TRIP12: variants seen among roughly 807,000 people sequenced by gnomAD.
The protein encoded by TRIP12 is E3 ubiquitin-protein ligase TRIP12.
In TRIP12, 25 loss-of-function variants were observed where a neutral mutation model predicts 244.2. That is an observed-to-expected ratio of 0.10 (90% CI 0.07 to 0.14). The LOEUF is 0.14. Ranked by LOEUF, TRIP12 falls within the 10% of genes least tolerant of loss-of-function variation. The probability of loss-of-function intolerance (pLI) is 1.00; values close to 1 mark genes in which losing one functional copy is unlikely to be tolerated. For missense variants in TRIP12, 1,677 were observed against 2,486.4 expected (o/e 0.67, Z 6.92); for synonymous variants, 905 against 873.1 (o/e 1.04, Z -0.64).
At chr2:229,879,867 C>T in intron 2 of TRIP12, 115 bp downstream of exon 2, 1 of 1,180,084 alleles carries the variant, frequency 8.5e-7, no homozygotes, top group South Asian at 1.3e-5. Flanking sequence ...GCTCACAAAT[C>T]AGGAAAAATT....
intron 8 of TRIP12, among the ~76,000 whole-genome samples, chr2:229,821,764 A>G (rs1033353004): frequency 4.6e-5 from 7 of 152,184 alleles, no homozygotes; most frequent in Admixed American, 3.3e-4. Flanking sequence ...ACAGAAGCCT[A>G]TAGTGCTTTA....
intron 38 of TRIP12, among the ~76,000 whole-genome samples, chr2:229,772,528 A>C (rs1180167214): frequency 2.0e-5 from 3 of 152,150 alleles, no homozygotes; most frequent in African/African-American, 7.2e-5. Context: ...CAGTGGCATG[A>C]TCCTGACTCA....
intron 15 of TRIP12, 55 bp from the exon 16 acceptor site, chr2:229,808,424 A>C: frequency 4.4e-6 from 5 of 1,146,462 alleles, no homozygotes; most frequent in East Asian, 2.4e-5. Context: ...ATACTACCTC[A>C]TTCAAAGGCA....
intron 2 of TRIP12, among the ~76,000 whole-genome samples, chr2:229,873,663 GTTTT>G (rs558197461): frequency 7.9e-4 from 120 of 152,146 alleles, no homozygotes; most frequent in Middle Eastern, 3.4e-3. Flanking sequence ...CTTTGAAATA[GTTTT>G]TTTAAGTGAA....
intron 1 of TRIP12, among the ~76,000 whole-genome samples, chr2:229,904,021 G>A (rs894105727): frequency 3.3e-5 from 5 of 152,038 alleles, no homozygotes; most frequent in Non-Finnish European, 5.9e-5. Context: ...GGGCAACTGA[G>A]CAAGACCCTG....
chr2:229,803,892 C>T (rs984399666), intron 19 of TRIP12, 107 bp downstream of exon 19: 2 of 1,052,054 alleles, frequency 1.9e-6, no homozygotes, highest in South Asian at 3.5e-5. Context: ...CAAGATACTC[C>T]TAACAAATTT....
Position 229,771,574 on chromosome 2 carries a change from T to A in TRIP12, c.5753A>T (p.Asp1918Val). 1 of 1,614,090 alleles carries A rather than the reference T, an allele frequency of 6.2e-7. No individual in the cohort carries two copies. Among genetic ancestry groups the A allele is most frequent in the Non-Finnish European group, 8.5e-7 (1 of 1,179,970 alleles). Residue 1918 changes from aspartate (D) to valine (V), a missense_variant, in exon 39 of 42, where the codon GAT becomes GTT. Physicochemically the swap from Asp to Val is radical, Grantham distance 152 (BLOSUM62 -3). Transcript: ENST00000675903. ...GAGTGGGAAGACTGATTCAAATCCA[T>A]CTCTGAACGAATCAAATTGCCTAGA... ...GVSRQFDSFRDGFESVFPLSH... is the reference protein window; with the variant it reads ...GVSRQFDSFRVGFESVFPLSH...
At chr2:229,774,634 G>A (rs955642662) in intron 37 of TRIP12, among the ~76,000 whole-genome samples, 2 of 152,070 alleles carry the variant, frequency 1.3e-5, no homozygotes, top group African/African-American at 2.4e-5. Context: ...ATCCAATACT[G>A]TATAAGTATA....
chr2:229,843,564 A>G (rs1000299121), intron 4 of TRIP12, among the ~76,000 whole-genome samples: 10 of 152,086 alleles, frequency 6.6e-5, no homozygotes, highest in African/African-American at 2.4e-4. Context: ...TCCTCACAAG[A>G]AAACCAAACC....
chr2:229,802,120 T>G (rs2044537375), intron 21 of TRIP12, 132 bp downstream of exon 21: 2 of 625,618 alleles, frequency 3.2e-6, no homozygotes, highest in African/African-American at 3.8e-5. Context: ...CCATTCTCAT[T>G]AACAAAATAC....
intron 32 of TRIP12, 62 bp from the exon 33 acceptor site, chr2:229,787,723 A>C: frequency 2.1e-6 from 3 of 1,433,114 alleles, no homozygotes; most frequent in Non-Finnish European, 2.8e-6. Context: ...CTAAAAAAAA[A>C]ATCCAAACTT....
chr2:229,822,204 G>A (rs553175040), intron 8 of TRIP12, among the ~76,000 whole-genome samples: 10 of 152,286 alleles, frequency 6.6e-5, no homozygotes, highest in Non-Finnish European at 1.5e-4. Context: ...TGATAAGATA[G>A]AAGAAAATCT....
At chr2:229,841,357 G>A (rs2056387270) in intron 4 of TRIP12, among the ~76,000 whole-genome samples, 1 of 152,056 alleles carries the variant, frequency 6.6e-6, no homozygotes. Flanking sequence ...CATCAATAAG[G>A]TATGAGAGAA....
chr2:229,828,691 C>T (rs902095285), intron 8 of TRIP12, among the ~76,000 whole-genome samples: 2 of 151,900 alleles, frequency 1.3e-5, no homozygotes, highest in Non-Finnish European at 2.9e-5. Flanking sequence ...GGACTGGACC[C>T]GAGAGGCAGA....
rs760837298 is a variant in TRIP12 at position 229,791,815 on chromosome 2, G to C, written c.4415+51C>G. 8 of 1,579,320 alleles carry C rather than the reference G, an allele frequency of 5.1e-6. No homozygotes were observed. In the East Asian group the frequency reaches 1.8e-4, roughly 35 times the overall value. On this transcript the variant is annotated intron_variant, in intron 29 of 41. Coordinates refer to ENST00000675903, the MANE Select transcript of TRIP12 (RefSeq NM_001348323.3). Reference sequence around the variant, plus strand: ...AGTTAATGTGAATTCTAAAACACAAGAACAGTTTCAAAGTTTATGAAAAAA... The same window carrying C: ...AGTTAATGTGAATTCTAAAACACAACAACAGTTTCAAAGTTTATGAAAAAA...
intron 8 of TRIP12, among the ~76,000 whole-genome samples, chr2:229,821,549 C>T (rs2050060894): frequency 6.6e-6 from 1 of 152,176 alleles, no homozygotes. Flanking sequence ...AACAAATGAA[C>T]ATGACTGTAT....
intron 21 of TRIP12, 111 bp from the exon 22 acceptor site, chr2:229,799,494 A>C: frequency 1.0e-6 from 1 of 990,574 alleles, no homozygotes; most frequent in Non-Finnish European, 1.6e-6. Flanking sequence ...AAATACTGTC[A>C]GGCCGGGCGC....
upstream of TRIP12, chr2:229,922,501 GTGGCGTCCCAAGA>G (rs2076751811): frequency 6.2e-7 from 1 of 1,613,912 alleles, no homozygotes; most frequent in East Asian, 2.2e-5. Flanking sequence ...AGCGACGGCG[GTGGCGTCCCAAGA>G]TGGCGTCGTG....
At chr2:229,891,891 T>G (rs1256537524) in intron 1 of TRIP12, among the ~76,000 whole-genome samples, 1 of 152,162 alleles carries the variant, frequency 6.6e-6, no homozygotes, top group Non-Finnish European at 1.5e-5. Context: ...TATGTCACTG[T>G]GGAAAAATGG....
Sources: gnomAD v4.1 joint callset for allele counts (sites outside exome capture counted in the v4.1 genomes callset) on GRCh38, gnomAD v4.1.1 for gene constraint, MANE v1.5 for transcripts, NCBI Gene and HGNC (gene_info 2026-07-23, HGNC 2026-07-21) for gene names.